Variants in DDAH1 observed in about 807,000 individuals in gnomAD.
DDAH1 encodes the protein N(G),N(G)-dimethylarginine dimethylaminohydrolase 1.
In DDAH1, 19 loss-of-function variants were observed where a neutral mutation model predicts 28.8. That is an observed-to-expected ratio of 0.66 (90% confidence interval 0.46 to 0.97). DDAH1 has a LOEUF of 0.97. DDAH1 is among the 50% of genes least tolerant of loss of function. The pLI, the probability that DDAH1 is intolerant of heterozygous loss-of-function variation, is 0.00. For synonymous variants in DDAH1, 153 were observed against 154.4 expected, an observed-to-expected ratio of 0.99 and a Z score of 0.07; for missense variants, 326 against 375.9, an observed-to-expected ratio of 0.87 and a Z score of 1.10.
chr1:85,401,846 T>C (rs1191981453), intron 1 of DDAH1, among the ~76,000 whole-genome samples: 1 of 152,174 alleles, frequency 6.6e-6, no homozygotes, highest in Non-Finnish European at 1.5e-5. Context: ...TATTGAACTG[T>C]AGAATTAGAT....
At chr1:85,536,191 T>C (rs1361602543) in intron 1 of DDAH1, among the ~76,000 whole-genome samples, 2 of 148,156 alleles carry the variant, frequency 1.3e-5, no homozygotes, top group Middle Eastern at 3.8e-3. Context: ...GAACGGAGAT[T>C]GCATCACTGT....
At position 85,464,729 on chromosome 1, in the gene DDAH1, G is replaced by A; in HGVS notation, c.303+14C>T. On this transcript the variant is annotated intron_variant, in intron 1 of 5. Transcript: ENST00000284031. The surrounding 1 kb of genome is among the most constrained non-coding windows in gnomAD (Gnocchi z 4.4). ...GGCGCGCGCCCCGGCCGCGCCCCTC[G>A]AGTCGGCAGTTACCTCCTTCCTCCG... 1 of 1,490,662 alleles carries A rather than the reference G, an allele frequency of 6.7e-7. No homozygotes were observed. The highest frequency in any genetic ancestry group is 8.9e-7 in the Non-Finnish European group (1 of 1,129,254). 92.3% of individuals were successfully genotyped at this position (1,490,662 alleles called of 1,614,324 possible).
chr1:85,378,756 C>T (rs1338233760), intron 1 of DDAH1, among the ~76,000 whole-genome samples: 2 of 152,076 alleles, frequency 1.3e-5, no homozygotes, highest in Admixed American at 6.6e-5. Flanking sequence ...ACGAAATGCC[C>T]TATTCTATTC....
At chr1:85,495,817 C>A (rs1182384907) in intron 2 of DDAH1, 1 of 152,192 alleles carries the variant, frequency 6.6e-6, no homozygotes, top group Non-Finnish European at 1.5e-5. Flanking sequence ...GGCTGGGAAC[C>A]AAGGAGACAT....
intron 1 of DDAH1, among the ~76,000 whole-genome samples, chr1:85,505,313 CA>C (rs1656977685): frequency 6.6e-6 from 1 of 151,858 alleles, no homozygotes; most frequent in African/African-American, 2.4e-5. Flanking sequence ...TGTCTTACAC[CA>C]GAGTAGGCCA....
chr1:85,548,360 T>G (rs921852820), intron 1 of DDAH1, among the ~76,000 whole-genome samples: 1 of 152,220 alleles, frequency 6.6e-6, no homozygotes, highest in Non-Finnish European at 1.5e-5. Context: ...CCCTTTAGTT[T>G]TACTGGTATA....
chr1:85,461,950 C>T (rs898158196), intron 1 of DDAH1, among the ~76,000 whole-genome samples: 3 of 152,214 alleles, frequency 2.0e-5, no homozygotes, highest in African/African-American at 7.2e-5. Context: ...ACAGGTTACA[C>T]TCTATAACCC....
chr1:85,404,952 T>C (rs1214853455), intron 1 of DDAH1, among the ~76,000 whole-genome samples: 1 of 152,234 alleles, frequency 6.6e-6, no homozygotes, highest in East Asian at 1.9e-4. Flanking sequence ...TGCTTCATTT[T>C]TGCCAGACTC....
chr1:85,558,158 A>G (rs10747322), intron 1 of DDAH1, among the ~76,000 whole-genome samples: 116,759 of 152,014 alleles, frequency 0.77, 45,055 homozygotes, highest in African/African-American at 0.82. Context: ...CTTGAGTTCA[A>G]GAGTTCAAGA....
chr1:85,327,474 T>G (rs746863281), intron 4 of DDAH1, among the ~76,000 whole-genome samples: 1 of 152,228 alleles, frequency 6.6e-6, no homozygotes, highest in Non-Finnish European at 1.5e-5. Flanking sequence ...CCTAGAGAGA[T>G]AATTGCTACA....
intron 1 of DDAH1, among the ~76,000 whole-genome samples, chr1:85,497,310 T>C (rs1452066879): frequency 6.6e-6 from 1 of 152,204 alleles, no homozygotes; most frequent in Non-Finnish European, 1.5e-5. Flanking sequence ...TCTATTGGTA[T>C]ATAACACACA....
intron 1 of DDAH1, among the ~76,000 whole-genome samples, chr1:85,558,580 T>C (rs1156788810): frequency 6.6e-6 from 1 of 152,214 alleles, no homozygotes. Context: ...CTATGTTTTT[T>C]GATTTTATTG....
intron 1 of DDAH1, among the ~76,000 whole-genome samples, chr1:85,387,691 T>C (rs1651348002): frequency 6.6e-6 from 1 of 152,160 alleles, no homozygotes; most frequent in East Asian, 1.9e-4. Flanking sequence ...TATCCAGTTC[T>C]AAGGCTGCTT....
rs144489842 is a variant in DDAH1 at position 85,459,877 on chromosome 1, G to A, written c.303+4866C>T. On this transcript the variant is annotated intron_variant, in intron 1 of 5. Transcript: ENST00000284031. ...AAGTAAAATAATTCACTTAGTGTTC[G>A]AGTTAGATTGCATATCACTAATGTG... Among the ~76,000 whole-genome samples, 886 of 152,292 alleles carry A rather than the reference G, an allele frequency of 5.8e-3. 7 individuals carry two copies. Among genetic ancestry groups the A allele is most frequent in the African/African-American group, 0.02 (839 of 41,550 alleles).
At chr1:85,347,112 AAC>A (rs1294621296) in intron 4 of DDAH1, among the ~76,000 whole-genome samples, 1 of 152,090 alleles carries the variant, frequency 6.6e-6, no homozygotes, top group Non-Finnish European at 1.5e-5. Flanking sequence ...AAAGTCAGGA[AAC>A]AACAGGTGCT....
chr1:85,555,777 G>A (rs1276739143), intron 1 of DDAH1, among the ~76,000 whole-genome samples: 1 of 152,110 alleles, frequency 6.6e-6, no homozygotes, highest in East Asian at 1.9e-4. Flanking sequence ...AAACCTAAAG[G>A]TCTGGTCCAG....
intron 1 of DDAH1, among the ~76,000 whole-genome samples, chr1:85,393,795 A>C (rs1412633884): frequency 1.3e-5 from 2 of 152,200 alleles, no homozygotes; most frequent in Non-Finnish European, 2.9e-5. Context: ...TGTCTCACCT[A>C]AGAGTCATGT....
At position 85,526,115 on chromosome 1, in the gene DDAH1, G is replaced by T. The variant is rs551704091; in HGVS notation, c.-122-29834C>A. ...TCCAGAAAAATTACTAACAGATATG[G>T]TGACAAAGGACATGGAAATGTAAGT... On this transcript the variant is annotated intron_variant, in intron 1 of 6. Transcript: ENST00000426972. 4.9e-3 allele frequency among the ~76,000 whole-genome samples: 741 copies of T among 152,302 alleles called. 6 individuals are homozygous for T. Among genetic ancestry groups the T allele is most frequent in the African/African-American group, 0.017 (695 of 41,564 alleles).
At chr1:85,506,376 G>C (rs1657018517) in intron 1 of DDAH1, among the ~76,000 whole-genome samples, 1 of 152,106 alleles carries the variant, frequency 6.6e-6, no homozygotes, top group Non-Finnish European at 1.5e-5. Context: ...TTCTGCAGCA[G>C]TTTTTTTAAA....
Sources: gnomAD v4.1 joint callset for allele counts (sites outside exome capture counted in the v4.1 genomes callset) on GRCh38, gnomAD v4.1.1 for gene constraint, Gnocchi (gnomAD v3.1) non-coding constraint, MANE v1.5 for transcripts, NCBI Gene and HGNC (gene_info 2026-07-23, HGNC 2026-07-21) for gene names.